PIK3R4: variants seen among roughly 807,000 people sequenced by gnomAD.
PIK3R4 encodes phosphoinositide 3-kinase regulatory subunit 4.
A neutral mutation model predicts 136.5 loss-of-function variants in PIK3R4; 46 were observed. That is an observed-to-expected ratio of 0.34 (90% CI 0.27 to 0.43). The LOEUF is 0.43. Ranked by LOEUF, PIK3R4 falls within the 20% of genes least tolerant of loss-of-function variation. The probability of loss-of-function intolerance (pLI) is 1.00; values close to 1 mark genes in which losing one functional copy is unlikely to be tolerated. For missense variants in PIK3R4, 1,331 were observed against 1,649.5 expected, an observed-to-expected ratio of 0.81 and a Z score of 3.35; for synonymous variants, 557 against 566.7, an observed-to-expected ratio of 0.98 and a Z score of 0.24.
In PIK3R4 at chr3:130,723,562, T is replaced by A; in HGVS notation, c.1833A>T (p.Gln611His). The A allele has an allele frequency of 6.8e-6, 11 of 1,613,016 alleles. No homozygotes were observed. The highest frequency in any genetic ancestry group is 8.5e-6 in the Non-Finnish European group (10 of 1,179,756). The change falls in exon 7 of 20, where the codon CAA (glutamine) becomes CAT (histidine). Residue 611 changes from glutamine (Q) to histidine (H), a missense_variant. Gln to His is a conservative substitution (Grantham distance 24). Transcript: ENST00000356763. ...IVGVAAYVGW[Q>H]SSSILKPLLQ... ...GCAGAGGCTTGAGAATTGAGGAGCT[T>A]TGCCAGCCAACATAGGCAGCAACAC...
chr3:130,708,250 TAAC>T (rs2066616383), intron 10 of PIK3R4, 38 bp downstream of exon 10: 11 of 1,492,460 alleles, frequency 7.4e-6, no homozygotes, highest in African/African-American at 2.8e-5. Flanking sequence ...ATGAAATAAC[TAAC>T]AACAACAAGC....
chr3:130,679,066 A>T lies in PIK3R4; in HGVS notation c.*249T>A. On this transcript the variant is annotated 3_prime_UTR_variant, in exon 20 of 20. Coordinates refer to ENST00000356763, the MANE Select transcript of PIK3R4 (RefSeq NM_014602.3). Reference sequence around the variant, plus strand: ...TTCATTTTCATATTTTACATTTCTCACCTCTATAACATATACAATAAAAAT... The same window carrying T: ...TTCATTTTCATATTTTACATTTCTCTCCTCTATAACATATACAATAAAAAT... The T allele has an allele frequency of 4.1e-6, 1 of 243,494 alleles. No individual in the cohort carries two copies. The highest frequency in any genetic ancestry group is 7.8e-6 in the Non-Finnish European group (1 of 128,460). The allele number at this position is 243,494 out of a possible 1,614,324, so 15.1% of individuals were successfully genotyped here.
At position 130,684,337 on chromosome 3, in the gene PIK3R4, A is replaced by G. The variant is rs2066476647; in HGVS notation, c.3520T>C (p.Leu1174=). The G allele has an allele frequency of 1.2e-6, 2 of 1,613,262 alleles. No homozygotes were observed. The highest frequency in any genetic ancestry group is 1.7e-5 in the Admixed American group (1 of 59,958). Residue 1174 remains leucine (L), a synonymous_variant, in exon 16 of 20, where the codon TTG becomes CTG. Transcript: ENST00000356763. ...TMACWDMRFQ[L]PISSHCHPSR... Reference sequence around the variant, plus strand: ...GGATGACAGTGACTTGAAATTGGCAACTGGAACCTCATGTCCCAACAAGCC... The same window carrying G: ...GGATGACAGTGACTTGAAATTGGCAGCTGGAACCTCATGTCCCAACAAGCC...
chr3:130,741,268 G>C (rs2066822001), intron 2 of PIK3R4, among the ~76,000 whole-genome samples: 1 of 152,100 alleles, frequency 6.6e-6, no homozygotes, highest in South Asian at 2.1e-4. Context: ...CATTCACAGA[G>C]AAAAACCCAT....
chr3:130,692,223 A>T (rs1048053401), intron 13 of PIK3R4, among the ~76,000 whole-genome samples: 3 of 152,138 alleles, frequency 2.0e-5, no homozygotes, highest in African/African-American at 7.2e-5. Context: ...TTCAAATACC[A>T]TAGATTTTAA....
intron 13 of PIK3R4, among the ~76,000 whole-genome samples, chr3:130,696,080 A>G (rs1370391831): frequency 6.6e-6 from 1 of 152,012 alleles, no homozygotes; most frequent in Non-Finnish European, 1.5e-5. Flanking sequence ...TGTTCATGGT[A>G]TTCCTTTCAT....
In PIK3R4 at chr3:130,735,942, A is replaced by C; in HGVS notation, c.794T>G (p.Leu265Trp). ...GAAAAAATGTCCATTTCTATAAGCCAAAAGTTGAGAGAGATCAAATAATGG... is the reference window on the plus strand; with the variant it reads ...GAAAAAATGTCCATTTCTATAAGCCCAAAGTTGAGAGAGATCAAATAATGG... ...GVPLFDLSQL[L>W]AYRNGHFFPE... The change falls in exon 3 of 20, where the codon TTG becomes TGG. Residue 265 changes from leucine (L) to tryptophan (W), a missense_variant. Physicochemically the swap from Leu to Trp is moderately conservative, Grantham distance 61 (BLOSUM62 -2). This residue lies in a region of PIK3R4 where 1,180 missense variants were observed against 1,407.0 expected (regional missense o/e 0.84). Coordinates refer to ENST00000356763, the MANE Select transcript of PIK3R4 (RefSeq NM_014602.3). 6.2e-7 allele frequency: 1 copy of C among 1,612,736 alleles called. No individual in the cohort carries two copies. Among genetic ancestry groups the C allele is most frequent in the Non-Finnish European group, 8.5e-7 (1 of 1,179,302 alleles).
intron 6 of PIK3R4, chr3:130,723,922 A>T (rs2066717589): frequency 5.7e-6 from 1 of 174,476 alleles, no homozygotes; most frequent in Non-Finnish European, 1.2e-5. Context: ...AGGCATTAAA[A>T]GTTATGAAAA....
chr3:130,717,320 A>G (rs923227274), intron 8 of PIK3R4, among the ~76,000 whole-genome samples: 1 of 152,164 alleles, frequency 6.6e-6, no homozygotes, highest in Non-Finnish European at 1.5e-5. Context: ...CAAATGAATA[A>G]TTAGCCTCTC....
At chr3:130,719,190 T>G (rs1439645314) in intron 7 of PIK3R4, among the ~76,000 whole-genome samples, 1 of 152,194 alleles carries the variant, frequency 6.6e-6, no homozygotes, top group Non-Finnish European at 1.5e-5. Context: ...AATGAATGTC[T>G]TTTCATACCT....
intron 11 of PIK3R4, 71 bp from the exon 12 acceptor site, chr3:130,705,842 T>A: frequency 3.8e-6 from 3 of 791,828 alleles, no homozygotes; most frequent in African/African-American, 1.7e-5. Flanking sequence ...AGTGTATGCA[T>A]GTTTTTATCT....
intron 16 of PIK3R4, among the ~76,000 whole-genome samples, 162 bp from the exon 17 acceptor site, chr3:130,681,753 A>G (rs1290464776): frequency 6.6e-6 from 1 of 152,190 alleles, no homozygotes; most frequent in Non-Finnish European, 1.5e-5. Flanking sequence ...CTGAGCCAGT[A>G]AATATAGTAA....
Position 130,684,389 on chromosome 3 carries a change from A to C in PIK3R4, c.3476-8T>G. On this transcript the variant is annotated splice_region_variant and splice_polypyrimidine_tract_variant and intron_variant, in intron 15 of 19. Transcript: ENST00000356763. The stretch of plus-strand genomic sequence containing the variant: ...TGGTACCACTGCTTGTACCTTAAAG[A>C]AAAAAGGAAAAAAAGATTACCATCT... 1.2e-6 allele frequency: 2 copies of C among 1,610,390 alleles called. No individual in the cohort carries two copies. Among genetic ancestry groups the C allele is most frequent in the Non-Finnish European group, 1.7e-6 (2 of 1,177,200 alleles).
intron 9 of PIK3R4, among the ~76,000 whole-genome samples, chr3:130,709,388 G>A (rs1040178561): frequency 1.3e-5 from 2 of 151,966 alleles, no homozygotes; most frequent in Non-Finnish European, 2.9e-5. Context: ...GTTCTCCTGA[G>A]GCCTCAATCT....
Position 130,728,686 on chromosome 3 carries a change from T to TAAAA in PIK3R4, c.1586-6_1586-3dup, listed in dbSNP as rs5852606. 2.4e-4 allele frequency: 250 copies of TAAAA among 1,027,854 alleles called. No individual in the cohort carries two copies. The highest frequency in any genetic ancestry group is 1.3e-3 in the South Asian group (56 of 41,646). The allele number at this position is 1,027,854 out of a possible 1,614,324, so 63.7% of individuals were successfully genotyped here. A position where few individuals can be genotyped will look rare whatever the true frequency, so the allele number is the denominator to read the frequency against. On this transcript the variant is annotated splice_polypyrimidine_tract_variant and splice_region_variant and intron_variant, in intron 5 of 19. Transcript: ENST00000356763. ...CCATTTCATGTAAGGCTTGGAGCTC[T>TAAAA]AAAAAAAAAAAAAAAAGAAAGAAAG...
chr3:130,700,675 G>GA (rs1189449807), intron 13 of PIK3R4, among the ~76,000 whole-genome samples: 1 of 152,184 alleles, frequency 6.6e-6, no homozygotes, highest in African/African-American at 2.4e-5. Context: ...ACTCATGGGG[G>GA]AAACTCCTCT....
chr3:130,733,425 C>G (rs2066769049), intron 4 of PIK3R4, 123 bp downstream of exon 4: 1 of 643,840 alleles, frequency 1.6e-6, no homozygotes, highest in Non-Finnish European at 2.8e-6. Context: ...AAAATGTACA[C>G]AAATAGTTCA....
In PIK3R4 at chr3:130,718,376, G is replaced by A. The variant is rs747944554; in HGVS notation, c.2127+13C>T. On this transcript the variant is annotated intron_variant, in intron 8 of 19. Transcript: ENST00000356763. Reference sequence around the variant, plus strand: ...TTGGAGGAAAGACTGACTCCAACTTGGAACATGTATACCTGTATTATTGGT... The same window carrying A: ...TTGGAGGAAAGACTGACTCCAACTTAGAACATGTATACCTGTATTATTGGT... 1.4e-5 allele frequency: 23 copies of A among 1,601,994 alleles called. 1 individual carries two copies. In the South Asian group the frequency reaches 2.5e-4, roughly 17 times the overall value.
intron 2 of PIK3R4, among the ~76,000 whole-genome samples, chr3:130,739,722 G>GA (rs1223360816): frequency 2.0e-5 from 3 of 151,286 alleles, no homozygotes; most frequent in Non-Finnish European, 2.9e-5. Flanking sequence ...GCAAGGGATT[G>GA]AAAAAAAATA....
Sources: allele counts gnomAD v4.1 joint callset (sites outside exome capture counted in the v4.1 genomes callset), GRCh38; gene constraint gnomAD v4.1.1; regional missense constraint gnomAD v4.1.1; transcripts MANE v1.5; gene names NCBI Gene and HGNC (gene_info 2026-07-23, HGNC 2026-07-21).